PLPPR1: variants seen among roughly 807,000 people sequenced by gnomAD.
The protein encoded by PLPPR1 is phospholipid phosphatase-related protein type 1.
In PLPPR1, 10 loss-of-function variants were observed where a neutral mutation model predicts 33.1. The observed-to-expected ratio is 0.30, with a 90% CI of 0.19 to 0.51. The LOEUF is 0.51. Among genes scored for constraint, PLPPR1 ranks in the 20% least tolerant of loss-of-function variants. The pLI, the probability that PLPPR1 is intolerant of heterozygous loss-of-function variation, is 0.97. For missense variants in PLPPR1, 304 were observed against 408.1 expected (o/e 0.74, Z 2.20); for synonymous variants, 151 against 151.0 (o/e 1.00, Z 0.00).
At chr9:101,225,724 C>A (rs61188842) in intron 2 of PLPPR1, among the ~76,000 whole-genome samples, 1 of 132,418 alleles carries the variant, frequency 7.6e-6, no homozygotes, top group African/African-American at 2.8e-5. Flanking sequence ...ATTATCCCCC[C>A]GCCCCCCACC....
chr9:101,180,548 C>G (rs117432197), intron 1 of PLPPR1, among the ~76,000 whole-genome samples: 1 of 151,482 alleles, frequency 6.6e-6, no homozygotes, highest in Non-Finnish European at 1.5e-5. Flanking sequence ...ACATTTTGAC[C>G]AATAGAACAG....
At chr9:101,120,053 T>C (rs1006090437) in intron 1 of PLPPR1, among the ~76,000 whole-genome samples, 28 of 152,234 alleles carry the variant, frequency 1.8e-4, no homozygotes, top group African/African-American at 6.3e-4. Context: ...CTTTGCTTAC[T>C]GGCTAAAACA....
Position 101,247,073 on chromosome 9 carries a change from G to A in PLPPR1, c.64-22807G>A, listed in dbSNP as rs183386024. On this transcript the variant is annotated intron_variant, in intron 2 of 7. Coordinates refer to ENST00000374874, the MANE Select transcript of PLPPR1 (RefSeq NM_207299.2). ...AGAAACTACAAGGGAAATGGCATGTGTATATGGGAGGTCTCATAGAAGAAT... is the reference window on the plus strand; with the variant it reads ...AGAAACTACAAGGGAAATGGCATGTATATATGGGAGGTCTCATAGAAGAAT... 1.2e-3 allele frequency among the ~76,000 whole-genome samples: 190 copies of A among 152,052 alleles called. 1 individual carries two copies. Among genetic ancestry groups the A allele is most frequent in the African/African-American group, 4.4e-3 (184 of 41,512 alleles).
At chr9:101,238,224 A>C (rs1455863195) in intron 2 of PLPPR1, among the ~76,000 whole-genome samples, 1 of 135,020 alleles carries the variant, frequency 7.4e-6, no homozygotes, top group African/African-American at 2.7e-5. Context: ...ATATATATAC[A>C]CCTCTCTATA....
intron 1 of PLPPR1, among the ~76,000 whole-genome samples, chr9:101,133,967 T>G (rs1185407050): frequency 6.6e-6 from 1 of 152,146 alleles, no homozygotes; most frequent in African/African-American, 2.4e-5. Context: ...TGGGTAGTCG[T>G]GAGAATTAAG....
chr9:101,314,615 AC>A (rs937851984), intron 6 of PLPPR1, among the ~76,000 whole-genome samples: 16 of 152,062 alleles, frequency 1.1e-4, no homozygotes, highest in African/African-American at 3.1e-4. Context: ...AAAAAAAAAA[AC>A]CAATGCAGTT....
chr9:101,312,991 C>T lies in PLPPR1; in HGVS notation c.813+17C>T, dbSNP rs373189652. ...CTGTTTCTGGTAGGTTGACTTCCCT[C>T]TTTTTACCTTTTCCCCCTCTTCTAC... On this transcript the variant is annotated intron_variant, in intron 6 of 7. Coordinates refer to ENST00000374874, the MANE Select transcript of PLPPR1 (RefSeq NM_207299.2). 5 of 1,612,848 alleles carry T rather than the reference C, an allele frequency of 3.1e-6. No individual in the cohort carries two copies. Among genetic ancestry groups the T allele is most frequent in the Non-Finnish European group, 4.2e-6 (5 of 1,179,060 alleles).
chr9:101,302,832 G>A (rs1011082322), intron 4 of PLPPR1, among the ~76,000 whole-genome samples: 1 of 152,160 alleles, frequency 6.6e-6, no homozygotes, highest in Non-Finnish European at 1.5e-5. Context: ...ACCACAAAGA[G>A]ATGCACAAAG....
intron 1 of PLPPR1, among the ~76,000 whole-genome samples, chr9:101,062,576 A>G (rs1830360352): frequency 6.6e-6 from 1 of 152,086 alleles, no homozygotes; most frequent in African/African-American, 2.4e-5. Flanking sequence ...AGTGATTTAA[A>G]CTGCTACATT....
intron 1 of PLPPR1, among the ~76,000 whole-genome samples, chr9:101,055,566 G>T (rs921306984): frequency 6.6e-6 from 1 of 152,148 alleles, no homozygotes; most frequent in Non-Finnish European, 1.5e-5. Flanking sequence ...AATACTTTAT[G>T]CTATCTTCCT....
intron 4 of PLPPR1, among the ~76,000 whole-genome samples, chr9:101,291,961 G>C (rs1262032460): frequency 6.6e-6 from 1 of 152,332 alleles, no homozygotes; most frequent in Non-Finnish European, 1.5e-5. Flanking sequence ...GACGAGTTGA[G>C]AGAAGAAGGC....
chr9:101,150,279 T>G (rs929126444), intron 1 of PLPPR1, among the ~76,000 whole-genome samples: 2 of 152,180 alleles, frequency 1.3e-5, no homozygotes, highest in Non-Finnish European at 2.9e-5. Context: ...GTTCTTTTTC[T>G]GTTAAATGAT....
chr9:101,223,370 A>C (rs969304135), intron 2 of PLPPR1, among the ~76,000 whole-genome samples: 1 of 151,542 alleles, frequency 6.6e-6, no homozygotes, highest in African/African-American at 2.4e-5. Flanking sequence ...AAATCGTGCT[A>C]TATTTTGAGA....
intron 1 of PLPPR1, among the ~76,000 whole-genome samples, chr9:101,166,016 G>A (rs1825853594): frequency 6.6e-6 from 1 of 152,060 alleles, no homozygotes; most frequent in Admixed American, 6.6e-5. Flanking sequence ...TTTAATAAAA[G>A]CAAATCAGAT....
rs528226527 is a variant in PLPPR1 at position 101,039,519 on chromosome 9, A to G, written c.-46+10417A>G. ...AACCATTTAGATGTCAAGCTTTAAA[A>G]TACTGAATAACACTCTTCTTACCTT... On this transcript the variant is annotated intron_variant, in intron 1 of 7. Transcript: ENST00000374874. 2.0e-3 allele frequency among the ~76,000 whole-genome samples: 312 copies of G among 152,280 alleles called. 1 individual carries two copies. Among genetic ancestry groups the G allele is most frequent in the Admixed American group, 5.8e-3 (89 of 15,292 alleles).
rs562193060 is a variant in PLPPR1, at chr9:101,097,243, C to A, written c.-46+68141C>A. Among the ~76,000 whole-genome samples the A allele has an allele frequency of 4.6e-5, 7 of 152,246 alleles. No homozygotes were observed. The South Asian group carries it at 1.5e-3, about 32-fold the overall frequency. On this transcript the variant is annotated intron_variant, in intron 1 of 7. Transcript: ENST00000374874. ...AGAATTTGCATTTCTAATGAGCTTC[C>A]AGGTGATGCTGCGCCTGGTGGTCTG...
intron 2 of PLPPR1, among the ~76,000 whole-genome samples, chr9:101,209,732 T>G (rs1826656450): frequency 1.3e-5 from 2 of 152,226 alleles, no homozygotes; most frequent in South Asian, 4.1e-4. Context: ...ATCTGACTAT[T>G]CCGGGTTTGT....
intron 3 of PLPPR1, among the ~76,000 whole-genome samples, chr9:101,284,615 G>A (rs542757964): frequency 1.3e-5 from 2 of 152,134 alleles, no homozygotes; most frequent in African/African-American, 4.8e-5. Flanking sequence ...TTCTAGAGAT[G>A]CTTCAGATAC....
chr9:101,287,433 A>G (rs1029971558), intron 4 of PLPPR1, among the ~76,000 whole-genome samples: 7 of 152,222 alleles, frequency 4.6e-5, no homozygotes, highest in Non-Finnish European at 8.8e-5. Context: ...GAGAATATTT[A>G]TGATACAGAA....
Sources: allele counts gnomAD v4.1 joint callset (sites outside exome capture counted in the v4.1 genomes callset), GRCh38; gene constraint gnomAD v4.1.1; transcripts MANE v1.5; gene names NCBI Gene and HGNC (gene_info 2026-07-23, HGNC 2026-07-21).